Variants in PCDH11Y observed in about 807,000 individuals in gnomAD.
PCDH11Y encodes the protein protocadherin-11 Y-linked.
For synonymous variants in PCDH11Y, 9 were observed against 83.6 expected (o/e 0.11, Z 4.87); for missense variants, 12 against 224.8 (o/e 0.05, Z 6.05).
chrY:5,112,028 T>C, intron 2 of PCDH11Y, among the ~76,000 whole-genome samples: 1 of 33,760 alleles, frequency 3.0e-5, no homozygotes, highest in Non-Finnish European at 7.4e-5. Context: ...AAAAGTAATA[T>C]AAACTTCAAA....
intron 3 of PCDH11Y, among the ~76,000 whole-genome samples, chrY:5,576,316 AT>A (rs2053445943): frequency 3.1e-5 from 1 of 31,921 alleles, no homozygotes; most frequent in Non-Finnish European, 7.7e-5. Context: ...TAAAAAAAGA[AT>A]TTGTTATCTT....
chrY:5,305,289 T>A, intron 2 of PCDH11Y, among the ~76,000 whole-genome samples: 1 of 33,483 alleles, frequency 3.0e-5, no homozygotes, highest in Non-Finnish European at 7.4e-5. Context: ...TCAATACAAG[T>A]TTTATGTGGC....
intron 2 of PCDH11Y, among the ~76,000 whole-genome samples, chrY:5,115,783 C>T (rs1267868467): frequency 4.6e-5 from 1 of 21,824 alleles, no homozygotes; most frequent in Non-Finnish European, 1.1e-4. Context: ...CTCTGTCGCC[C>T]AGGCTGGAGT....
chrY:5,733,013 T>A (rs2053606552), intron 4 of PCDH11Y, among the ~76,000 whole-genome samples: 1 of 33,813 alleles, frequency 3.0e-5, no homozygotes, highest in African/African-American at 1.2e-4. Context: ...TCTGATTGCT[T>A]TCTTTCAAGA....
At chrY:5,477,793 T>C (rs2124685398) in intron 2 of PCDH11Y, among the ~76,000 whole-genome samples, 1 of 33,465 alleles carries the variant, frequency 3.0e-5, no homozygotes, top group East Asian at 7.9e-4. Context: ...TTTTCTAGTT[T>C]ATTTGCATAG....
chrY:5,333,839 C>T, intron 2 of PCDH11Y, among the ~76,000 whole-genome samples: 1 of 32,084 alleles, frequency 3.1e-5, no homozygotes, highest in African/African-American at 1.2e-4. Flanking sequence ...TTGCTGTGAG[C>T]CTAGATCATG....
chrY:5,322,511 A>G, intron 2 of PCDH11Y, among the ~76,000 whole-genome samples: 1 of 32,335 alleles, frequency 3.1e-5, no homozygotes, highest in South Asian at 6.9e-4. Context: ...ATTACTTTTT[A>G]TTGTAGTATT....
intron 2 of PCDH11Y, among the ~76,000 whole-genome samples, chrY:5,328,735 G>A (rs2053125776): frequency 3.1e-5 from 1 of 32,341 alleles, no homozygotes; most frequent in African/African-American, 1.2e-4. Context: ...ACTGTAAGCC[G>A]GAGCAGGTGT....
chrY:5,037,114 C>T, intron 3 of PCDH11Y: 1 of 72,614 alleles, frequency 1.4e-5, no homozygotes, highest in Non-Finnish European at 2.9e-5. Context: ...AATAAAAGTC[C>T]TATTTTTTTC....
chrY:5,719,937 C>A, intron 4 of PCDH11Y, among the ~76,000 whole-genome samples: 1 of 34,135 alleles, frequency 2.9e-5, no homozygotes, highest in Non-Finnish European at 7.3e-5. Flanking sequence ...ATCAGTGTGA[C>A]CTGGATGTGA....
chrY:5,338,845 C>A (rs2053141680), intron 2 of PCDH11Y: 1 of 326,101 alleles, frequency 3.1e-6, no homozygotes, highest in Non-Finnish European at 4.5e-6. Context: ...GAAGGGACTC[C>A]GAGAGGTTCA....
intron 1 of PCDH11Y, among the ~76,000 whole-genome samples, chrY:5,080,367 C>G (rs2052717375): frequency 3.2e-5 from 1 of 31,019 alleles, no homozygotes; most frequent in Non-Finnish European, 7.7e-5. Context: ...ATCTTTACAG[C>G]AGCACCCCAC....
chrY:5,348,525 A>G, intron 2 of PCDH11Y, among the ~76,000 whole-genome samples: 1 of 31,432 alleles, frequency 3.2e-5, no homozygotes, highest in African/African-American at 1.2e-4. Flanking sequence ...TTCCAGGCAC[A>G]CTGGTCTCCA....
At chrY:5,602,664 C>CA (rs2053473747) in intron 4 of PCDH11Y, among the ~76,000 whole-genome samples, 10 of 30,114 alleles carry the variant, frequency 3.3e-4, no homozygotes, top group African/African-American at 1.3e-3. Flanking sequence ...CCTACTCCTG[C>CA]TTTTTTTTTC....
At chrY:5,409,382 T>G in intron 2 of PCDH11Y, among the ~76,000 whole-genome samples, 1 of 23,251 alleles carries the variant, frequency 4.3e-5, no homozygotes, top group African/African-American at 1.7e-4. Context: ...AAGAAAACTT[T>G]TACTGAAACC....
intron 4 of PCDH11Y, among the ~76,000 whole-genome samples, chrY:5,661,258 C>T (rs2124707280): frequency 3.0e-5 from 1 of 33,570 alleles, no homozygotes; most frequent in South Asian, 6.5e-4. Context: ...CTCTGTATTA[C>T]TTTTTTCTCA....
chrY:5,352,175 G>T (rs1167146365), intron 2 of PCDH11Y, among the ~76,000 whole-genome samples: 1 of 25,356 alleles, frequency 3.9e-5, no homozygotes. Context: ...TGGCTGGAGT[G>T]CAGTGGCCTG....
chrY:5,262,638 A>C (rs2053020531), intron 2 of PCDH11Y, among the ~76,000 whole-genome samples: 2 of 30,757 alleles, frequency 6.5e-5, no homozygotes, highest in East Asian at 1.7e-3. Context: ...AAAGGCATTC[A>C]GTTTTATAAG....
intron 2 of PCDH11Y, among the ~76,000 whole-genome samples, chrY:5,318,238 C>T: frequency 1.2e-4 from 4 of 32,903 alleles, no homozygotes; most frequent in Admixed American, 5.7e-4. Flanking sequence ...TATGCATGCT[C>T]AGCCCTTCTA....
Sources: allele counts gnomAD v4.1 joint callset (sites outside exome capture counted in the v4.1 genomes callset), GRCh38; gene constraint gnomAD v4.1.1; transcripts MANE v1.5; gene names NCBI Gene and HGNC (gene_info 2026-07-23, HGNC 2026-07-21).